The following PTPRZ1 variants were observed in gnomAD, a reference collection of about 807,000 sequenced individuals.
PTPRZ1 encodes the protein protein tyrosine phosphatase receptor type Z1, also known as receptor-type tyrosine-protein phosphatase zeta.
In PTPRZ1, 82 loss-of-function variants were observed where a neutral mutation model predicts 214.1. The ratio of observed to expected loss-of-function variants is 0.38; its 90% confidence interval spans 0.32 to 0.46. The LOEUF is 0.46. Among genes scored for constraint, PTPRZ1 ranks in the 20% least tolerant of loss-of-function variants. The pLI, the probability that PTPRZ1 is intolerant of heterozygous loss-of-function variation, is 1.00. For synonymous variants in PTPRZ1, 945 were observed against 987.9 expected, an observed-to-expected ratio of 0.96 and a Z score of 0.81; for missense variants, 2,603 against 2,748.7, an observed-to-expected ratio of 0.95 and a Z score of 1.19.
intron 12 of PTPRZ1, among the ~76,000 whole-genome samples, chr7:122,016,140 T>G (rs1798833999): frequency 6.6e-6 from 1 of 152,014 alleles, no homozygotes; most frequent in Non-Finnish European, 1.5e-5. Flanking sequence ...GATACTAGAT[T>G]ATTTGATCCA....
chr7:121,926,267 T>C (rs1263426604), intron 1 of PTPRZ1, among the ~76,000 whole-genome samples: 2 of 146,094 alleles, frequency 1.4e-5, no homozygotes, highest in African/African-American at 5.2e-5. Context: ...ATCATGCCAT[T>C]GCACTCCAGC....
Position 121,972,665 on chromosome 7 carries a change from T to C in PTPRZ1, c.429T>C (p.Ser143=). The C allele has an allele frequency of 6.2e-7, 1 of 1,606,052 alleles. No individual in the cohort carries two copies. Among genetic ancestry groups the C allele is most frequent in the South Asian group, 1.1e-5 (1 of 88,632 alleles). ...TGTCATCTGATGGATCAGAGCATAG[T>C]TTAGAAGGACAAAAATTTCCACTTG... The part of the protein sequence containing the change: ...CNMSSDGSEH[S]LEGQKFPLEM... The change falls in exon 4 of 30, where the codon AGT becomes AGC. Residue 143 remains serine, a synonymous_variant. Coordinates refer to ENST00000393386, the MANE Select transcript of PTPRZ1 (RefSeq NM_002851.3).
chr7:121,905,977 G>A (rs559948768), intron 1 of PTPRZ1, among the ~76,000 whole-genome samples: 2 of 152,118 alleles, frequency 1.3e-5, no homozygotes, highest in South Asian at 4.1e-4. Context: ...ACTAAACAAA[G>A]GGCAAAAAAA....
intron 3 of PTPRZ1, among the ~76,000 whole-genome samples, chr7:121,971,777 C>T (rs1036375095): frequency 1.3e-5 from 2 of 152,102 alleles, no homozygotes; most frequent in Non-Finnish European, 2.9e-5. Context: ...GCTGGCTGGC[C>T]AATATGTTGT....
At chr7:122,023,778 T>TTATATATATAATGTATAATTTTATATATA (rs2116698865) in intron 13 of PTPRZ1, among the ~76,000 whole-genome samples, 1 of 99,558 alleles carries the variant, frequency 1.0e-5, no homozygotes, top group African/African-American at 4.3e-5. Flanking sequence ...TTATATATAA[T>TTATATATATAATGTATAATTTTATATATA]ATATATTATA....
rs1002020058 is a variant in PTPRZ1 at position 121,986,839 on chromosome 7, C to A, written c.928+2722C>A. Among the ~76,000 whole-genome samples the A allele has an allele frequency of 2.6e-5, 4 of 152,142 alleles. No homozygotes were observed. In the East Asian group the frequency reaches 7.7e-4, roughly 29 times the overall value. Reference sequence around the variant, plus strand: ...ACTAGAAAGTTTAACAATAAAAATGCACATTTACAGGCTGTTTTTGTTGTC... The same window carrying A: ...ACTAGAAAGTTTAACAATAAAAATGAACATTTACAGGCTGTTTTTGTTGTC... On this transcript the variant is annotated intron_variant, in intron 8 of 29. Coordinates refer to ENST00000393386, the MANE Select transcript of PTPRZ1 (RefSeq NM_002851.3).
At chr7:122,020,695 CTGCACACTA>C (rs1400439062) in intron 13 of PTPRZ1, among the ~76,000 whole-genome samples, 2 of 152,168 alleles carry the variant, frequency 1.3e-5, no homozygotes, top group African/African-American at 4.8e-5. Flanking sequence ...ACAGAGTAGA[CTGCACACTA>C]TGGAGAACAG....
chr7:121,903,330 A>T (rs368884694), intron 1 of PTPRZ1, among the ~76,000 whole-genome samples: 15 of 152,200 alleles, frequency 9.9e-5, no homozygotes, highest in Non-Finnish European at 2.2e-4. Context: ...TATCAACTAC[A>T]GTATCATTTA....
chr7:122,051,845 A>T (rs368363598), intron 24 of PTPRZ1, 21 bp from the exon 25 acceptor site: 77 of 1,599,334 alleles, frequency 4.8e-5, no homozygotes, highest in Non-Finnish European at 6.1e-5. Flanking sequence ...TTTGTTTTAC[A>T]ATGAATGTTC....
In PTPRZ1 at chr7:122,019,386, A is replaced by G. The variant is rs976646233; in HGVS notation, c.4988+118A>G. 1.1e-5 allele frequency: 11 copies of G among 1,032,108 alleles called. No homozygotes were observed. In the African/African-American group the frequency reaches 1.5e-4, roughly 14 times the overall value. 63.9% of individuals were successfully genotyped at this position (1,032,108 alleles called of 1,614,324 possible). On this transcript the variant is annotated intron_variant, in intron 13 of 29. Transcript: ENST00000393386. The stretch of plus-strand genomic sequence containing the variant: ...GTATTTTACCTGAGAGCTGCCATTA[A>G]TTTATTCAAGGTAAATTTGTGAATC...
At chr7:122,038,509 C>CTTTT (rs140553499) in intron 18 of PTPRZ1, among the ~76,000 whole-genome samples, 10 of 106,290 alleles carry the variant, frequency 9.4e-5, no homozygotes, top group East Asian at 2.8e-4. Context: ...GAGAGCTATT[C>CTTTT]TTTTTTTTTT....
chr7:121,888,139 T>C (rs1034527633), intron 1 of PTPRZ1, among the ~76,000 whole-genome samples: 4 of 152,042 alleles, frequency 2.6e-5, no homozygotes, highest in African/African-American at 4.8e-5. Flanking sequence ...ACAGTGTTTT[T>C]TGATGCTTCA....
At chr7:121,950,977 G>C (rs1006680856) in intron 2 of PTPRZ1, among the ~76,000 whole-genome samples, 4 of 152,132 alleles carry the variant, frequency 2.6e-5, no homozygotes, top group African/African-American at 9.7e-5. Flanking sequence ...GGTATCAGAA[G>C]ACTAAGTCAT....
rs1441091205 is a variant in PTPRZ1, at chr7:122,029,494, T to C, written c.5080+851T>C. On this transcript the variant is annotated intron_variant, in intron 14 of 29. Transcript: ENST00000393386. ...CAAAAAATAGTGGTCTAGAATTGTGTGATCTGGGAAATAGAGGACAATAAA... is the reference window on the plus strand; with the variant it reads ...CAAAAAATAGTGGTCTAGAATTGTGCGATCTGGGAAATAGAGGACAATAAA... Among the ~76,000 whole-genome samples the C allele has an allele frequency of 3.9e-5, 6 of 151,922 alleles. No individual in the cohort carries two copies. The East Asian group carries it at 1.2e-3, about 29-fold the overall frequency.
chr7:121,879,954 CTT>C (rs1487448058), intron 1 of PTPRZ1, among the ~76,000 whole-genome samples: 2 of 152,010 alleles, frequency 1.3e-5, no homozygotes, highest in African/African-American at 4.8e-5. Flanking sequence ...ATTAAATAAA[CTT>C]AAGTTTGCTC....
intron 23 of PTPRZ1, among the ~76,000 whole-genome samples, chr7:122,050,119 C>T (rs1322792474): frequency 6.6e-6 from 1 of 151,966 alleles, no homozygotes; most frequent in Non-Finnish European, 1.5e-5. Context: ...GAAAGCAAAC[C>T]TTTATAACTA....
chr7:121,891,074 C>T (rs889484541), intron 1 of PTPRZ1, among the ~76,000 whole-genome samples: 2 of 152,132 alleles, frequency 1.3e-5, no homozygotes, highest in African/African-American at 2.4e-5. Context: ...CACCAAGGCA[C>T]ATTCTTTTCA....
intron 1 of PTPRZ1, among the ~76,000 whole-genome samples, chr7:121,898,609 G>A (rs983221465): frequency 1.3e-5 from 2 of 151,942 alleles, no homozygotes; most frequent in East Asian, 1.9e-4. Flanking sequence ...CTTCCTTCAC[G>A]TAGATGAGGG....
chr7:121,874,072 G>A (rs1013660443), intron 1 of PTPRZ1, among the ~76,000 whole-genome samples: 7 of 139,838 alleles, frequency 5.0e-5, no homozygotes, highest in Non-Finnish European at 7.5e-5. Context: ...ACACCTGAAA[G>A]GTAGTAACAG....
Sources: gnomAD v4.1 joint callset for allele counts (sites outside exome capture counted in the v4.1 genomes callset) on GRCh38, gnomAD v4.1.1 for gene constraint, MANE v1.5 for transcripts, NCBI Gene and HGNC (gene_info 2026-07-23, HGNC 2026-07-21) for gene names.